The following FN1 variants were observed in gnomAD, a reference collection of about 807,000 sequenced individuals.
FN1 encodes fibronectin.
A neutral mutation model predicts 297.3 loss-of-function variants in FN1; 106 were observed. The ratio of observed to expected loss-of-function variants is 0.36; its 90% confidence interval spans 0.30 to 0.42. The LOEUF (loss-of-function observed/expected upper bound fraction) is 0.42. Ranked by LOEUF, FN1 falls within the 10% of genes least tolerant of loss-of-function variation. The pLI, the probability that FN1 is intolerant of heterozygous loss-of-function variation, is 1.00. For synonymous variants in FN1, 1,149 were observed against 1,152.6 expected, an observed-to-expected ratio of 1.00 and a Z score of 0.06; for missense variants, 2,690 against 3,124.9, an observed-to-expected ratio of 0.86 and a Z score of 3.32.
chr2:215,428,527 T>C (rs193231949), intron 5 of FN1, among the ~76,000 whole-genome samples, 189 bp from the exon 6 acceptor site: 1 of 152,376 alleles, frequency 6.6e-6, no homozygotes, highest in East Asian at 1.9e-4. Context: ...GAAAGGCAGC[T>C]GAATGGTTTA....
intron 29 of FN1, 174 bp from the exon 30 acceptor site, chr2:215,384,358 G>A (rs962866559): frequency 3.1e-6 from 2 of 635,756 alleles, no homozygotes; most frequent in East Asian, 2.8e-5. Context: ...GCAAACCTTG[G>A]TAAGTGTATA....
At chr2:215,408,542 A>C (rs942898850) in intron 15 of FN1, 116 bp from the exon 16 acceptor site, 34 of 975,222 alleles carry the variant, frequency 3.5e-5, no homozygotes, top group Non-Finnish European at 3.1e-5. Context: ...AGCGACTAGA[A>C]GGTAATGTGC....
intron 44 of FN1, chr2:215,362,731 G>C (rs1335069672): frequency 1.3e-5 from 2 of 153,754 alleles, no homozygotes; most frequent in African/African-American, 2.4e-5. Context: ...GCTCCTGCCT[G>C]AAGTTTTTAC....
chr2:215,428,443 TA>T (rs2065889706), intron 5 of FN1, 105 bp from the exon 6 acceptor site: 1 of 987,538 alleles, frequency 1.0e-6, no homozygotes, highest in South Asian at 1.3e-5. Flanking sequence ...CTATTTTTGG[TA>T]ATATGTTCAT....
chr2:215,430,532 A>G (rs2066324265), intron 5 of FN1, among the ~76,000 whole-genome samples, 183 bp downstream of exon 5: 1 of 152,162 alleles, frequency 6.6e-6, no homozygotes, highest in African/African-American at 2.4e-5. Context: ...ATGTTTTTCT[A>G]TTTATGTAGT....
chr2:215,395,771 G>C (rs758556600), intron 23 of FN1, among the ~76,000 whole-genome samples: 5 of 152,148 alleles, frequency 3.3e-5, no homozygotes, highest in Non-Finnish European at 7.4e-5. Flanking sequence ...ACACTAATGT[G>C]GCAAATACAA....
intron 28 of FN1, 121 bp downstream of exon 28, chr2:215,386,568 A>ATTTTTTTT (rs5838504): frequency 3.3e-6 from 1 of 303,914 alleles, no homozygotes; most frequent in Non-Finnish European, 5.8e-6. Flanking sequence ...ACAATGATCT[A>ATTTTTTTT]TTTTTTTTTT....
chr2:215,394,755 G>A, intron 23 of FN1, 36 bp from the exon 24 acceptor site: 1 of 1,493,142 alleles, frequency 6.7e-7, no homozygotes. Flanking sequence ...ATTGCACAGA[G>A]GATCTGTGAG....
chr2:215,426,476 G>A (rs1200167553), intron 6 of FN1, among the ~76,000 whole-genome samples: 1 of 151,266 alleles, frequency 6.6e-6, no homozygotes, highest in Non-Finnish European at 1.5e-5. Flanking sequence ...TTAGATATCT[G>A]TTCTCTTGAA....
Position 215,376,511 on chromosome 2 carries a change from G to A in FN1, c.5874C>T (p.Ser1958=). The change falls in exon 36 of 46, where the codon AGC becomes AGT. Residue 1958 remains serine, a synonymous_variant. Coordinates refer to ENST00000354785, the MANE Select transcript of FN1 (RefSeq NM_212482.4). ...GAGTTCCCTGACCTGTGATGGTGTA[G>A]CTTCTGACATCTGGCTTGATGGTTC... is the stretch of plus-strand genomic sequence containing the variant. ...IQRTIKPDVR[S]YTITGLQPGT... The A allele has an allele frequency of 6.2e-7, 1 of 1,614,134 alleles. No homozygotes were observed. The highest frequency in any genetic ancestry group is 1.1e-5 in the South Asian group (1 of 91,082).
In FN1 at chr2:215,361,077, G is replaced by A. The variant is rs1003989368; in HGVS notation, c.*478C>T. On this transcript the variant is annotated 3_prime_UTR_variant, in exon 46 of 46. Coordinates refer to ENST00000354785, the MANE Select transcript of FN1 (RefSeq NM_212482.4). ...GAAAGATATTTCTAGGCAATTACTAGGATCATTTGGAAAAAGTGAGTACTG... is the reference window on the plus strand; with the variant it reads ...GAAAGATATTTCTAGGCAATTACTAAGATCATTTGGAAAAAGTGAGTACTG... 1.3e-5 allele frequency: 2 copies of A among 156,698 alleles called. No individual in the cohort carries two copies. The highest frequency in any genetic ancestry group is 4.8e-5 in the African/African-American group (2 of 41,440). 9.7% of individuals were successfully genotyped at this position (156,698 alleles called of 1,614,324 possible). A position where few individuals can be genotyped will look rare whatever the true frequency, so the allele number is the denominator to read the frequency against.
At position 215,406,419 on chromosome 2, in the gene FN1, G is replaced by A. The variant is rs372105692; in HGVS notation, c.2805C>T (p.Thr935=). 2.0e-5 allele frequency: 33 copies of A among 1,614,122 alleles called. No homozygotes were observed. Among genetic ancestry groups the A allele is most frequent in the African/African-American group, 5.3e-5 (4 of 75,052 alleles). ...IMWTPPESAV[T]GYRVDVIPVN... The stretch of plus-strand genomic sequence containing the variant: ...CGGGGATCACATCCACACGGTAGCC[G>A]GTCACTGCACTCTCAGGCGGTGTCC... Residue 935 remains threonine, a synonymous_variant, in exon 19 of 46, where the codon ACC becomes ACT. Transcript: ENST00000354785.
At chr2:215,368,091 G>A in intron 41 of FN1, 64 bp from the exon 42 acceptor site, 7 of 1,529,174 alleles carry the variant, frequency 4.6e-6, no homozygotes, top group Non-Finnish European at 6.3e-6. Flanking sequence ...ACCATAAGAA[G>A]AAAATCGAAT....
rs147199605 is a variant in FN1, at chr2:215,372,762, G to A, written c.6248-387C>T. 8.5e-5 allele frequency among the ~76,000 whole-genome samples: 13 copies of A among 152,300 alleles called. No individual in the cohort carries two copies. The East Asian group carries it at 2.1e-3, about 25-fold the overall frequency. ...AGTAGAATCCAGACTAATCATATCAGTGTCATAAGTATGAGAATTACAGAG... is the reference window on the plus strand; with the variant it reads ...AGTAGAATCCAGACTAATCATATCAATGTCATAAGTATGAGAATTACAGAG... On this transcript the variant is annotated intron_variant, in intron 39 of 45. Transcript: ENST00000354785.
chr2:215,399,399 G>T, intron 20 of FN1, 48 bp from the exon 21 acceptor site: 2 of 1,220,134 alleles, frequency 1.6e-6, no homozygotes, highest in South Asian at 1.2e-5. Context: ...ACTCACAGAT[G>T]ATTGCATAGC....
In FN1 at chr2:215,406,291, A is replaced by G; in HGVS notation, c.2933T>C (p.Phe978Ser). The change falls in exon 19 of 46, where the codon TTT becomes TCT. Residue 978 changes from phenylalanine (F) to serine (S), a missense_variant. This residue lies in a region of FN1 where 1,743 missense variants were observed against 1,945.2 expected (regional missense o/e 0.90). Coordinates refer to ENST00000354785, the MANE Select transcript of FN1 (RefSeq NM_212482.4). Reference sequence around the variant, plus strand: ...GCTCTCCCTCCCATGGCTCACTGCAAAGACTTTGAAGTAATAGGTGACCCC... The same window carrying G: ...GCTCTCCCTCCCATGGCTCACTGCAGAGACTTTGAAGTAATAGGTGACCCC... Reference protein sequence around the residue: ...SPGVTYYFKVFAVSHGRESKP... With the variant: ...SPGVTYYFKVSAVSHGRESKP... 6.2e-7 allele frequency: 1 copy of G among 1,614,208 alleles called. No homozygotes were observed. The highest frequency in any genetic ancestry group is 8.5e-7 in the Non-Finnish European group (1 of 1,180,036).
intron 33 of FN1, 70 bp downstream of exon 33, chr2:215,380,741 G>A: frequency 6.5e-7 from 1 of 1,543,914 alleles, no homozygotes; most frequent in Non-Finnish European, 8.9e-7. Context: ...GCCCAGTGAA[G>A]CATAATTCAT....
At chr2:215,400,731 G>T (rs1267027602) in intron 20 of FN1, among the ~76,000 whole-genome samples, 1 of 109,268 alleles carries the variant, frequency 9.2e-6, no homozygotes, top group African/African-American at 3.5e-5. Context: ...CAGCCAGGGT[G>T]AGAGAGCAAG....
chr2:215,407,378 A>T, intron 17 of FN1, 57 bp from the exon 18 acceptor site: 3 of 1,368,752 alleles, frequency 2.2e-6, no homozygotes, highest in Admixed American at 3.3e-5. Context: ...AGAGGCTTAG[A>T]AACACCATAA....
Sources: allele counts gnomAD v4.1 joint callset (sites outside exome capture counted in the v4.1 genomes callset), GRCh38; gene constraint gnomAD v4.1.1; regional missense constraint gnomAD v4.1.1; transcripts MANE v1.5; gene names NCBI Gene and HGNC (gene_info 2026-07-23, HGNC 2026-07-21).